RNF130: variants seen among roughly 807,000 people sequenced by gnomAD.
RNF130 encodes the protein E3 ubiquitin-protein ligase RNF130.
RNF130 carries 21 observed loss-of-function variants against 44.6 expected under a neutral mutation model. The ratio of observed to expected loss-of-function variants is 0.47; its 90% confidence interval spans 0.33 to 0.68. RNF130 has a LOEUF of 0.68. Ranked by LOEUF, RNF130 falls within the 30% of genes least tolerant of loss-of-function variation. The probability of loss-of-function intolerance (pLI) is 0.02; values close to 1 mark genes in which losing one functional copy is unlikely to be tolerated. For synonymous variants in RNF130, 214 were observed against 210.4 expected (o/e 1.02, Z -0.15); for missense variants, 479 against 560.6 (o/e 0.85, Z 1.47).
chr5:180,035,801 C>T (rs77948565), intron 2 of RNF130, among the ~76,000 whole-genome samples: 12,976 of 152,166 alleles, frequency 0.085, 1,087 homozygotes, highest in African/African-American at 0.22. Context: ...AGTGAATTTT[C>T]CATTTCCAAA....
chr5:180,068,173 C>T (rs1235585145), intron 1 of RNF130, among the ~76,000 whole-genome samples: 2 of 152,216 alleles, frequency 1.3e-5, no homozygotes, highest in African/African-American at 4.8e-5. Flanking sequence ...TCTCCCAACC[C>T]CCACTCTGGG....
At chr5:179,958,800 T>C (rs1238512021) in intron 8 of RNF130, among the ~76,000 whole-genome samples, 7 of 152,064 alleles carry the variant, frequency 4.6e-5, no homozygotes. Flanking sequence ...GATTCTCCTG[T>C]CTCAGCCTTA....
chr5:179,973,232 C>T lies in RNF130; in HGVS notation c.849-2726G>A, dbSNP rs74662248. ...TCTCAAATTCCCATGGCACATCCCTCGCTTCCACAAAGCTGGGTGGCTGTT... is the reference window on the plus strand; with the variant it reads ...TCTCAAATTCCCATGGCACATCCCTTGCTTCCACAAAGCTGGGTGGCTGTT... On this transcript the variant is annotated intron_variant, in intron 5 of 8. Transcript: ENST00000521389. Among the ~76,000 whole-genome samples the T allele has an allele frequency of 9.4e-3, 1,431 of 152,254 alleles. 11 individuals are homozygous for T. Among genetic ancestry groups the T allele is most frequent in the Non-Finnish European group, 0.013 (876 of 68,014 alleles).
At chr5:179,978,959 A>T (rs1742132218) in intron 4 of RNF130, among the ~76,000 whole-genome samples, 1 of 152,218 alleles carries the variant, frequency 6.6e-6, no homozygotes. Context: ...CTAAGCCAAG[A>T]AAACAGACTA....
chr5:179,934,447 A>C (rs748261756), intron 7 of RNF130, among the ~76,000 whole-genome samples: 2 of 150,900 alleles, frequency 1.3e-5, no homozygotes, highest in African/African-American at 2.4e-5. Context: ...GATAATGGTC[A>C]TTTGGGTCTT....
chr5:179,957,528 G>A (rs1762236953), intron 8 of RNF130, among the ~76,000 whole-genome samples: 1 of 152,196 alleles, frequency 6.6e-6, no homozygotes, highest in Non-Finnish European at 1.5e-5. Flanking sequence ...AACCAAATTT[G>A]TCTCCTTCAA....
At chr5:180,046,206 C>T (rs879763978) in intron 1 of RNF130, among the ~76,000 whole-genome samples, 4 of 152,156 alleles carry the variant, frequency 2.6e-5, no homozygotes, top group Admixed American at 6.5e-5. Flanking sequence ...CCTCACTGAC[C>T]GGGGCAGGTG....
intron 1 of RNF130, among the ~76,000 whole-genome samples, chr5:180,049,334 G>A (rs1168603482): frequency 2.6e-5 from 4 of 152,186 alleles, no homozygotes; most frequent in Non-Finnish European, 4.4e-5. Flanking sequence ...AGGCTCTGGG[G>A]ATAGAATTCA....
At position 180,013,009 on chromosome 5, in the gene RNF130, G is replaced by T; in HGVS notation, c.693+52C>A. On this transcript the variant is annotated intron_variant, in intron 3 of 8. Coordinates refer to ENST00000521389, the MANE Select transcript of RNF130 (RefSeq NM_018434.6). ...AGTAAGATGCATGGTCACGACAGATGACTGTGAACTCTGGCTGTTACGAAC... is the reference window on the plus strand; with the variant it reads ...AGTAAGATGCATGGTCACGACAGATTACTGTGAACTCTGGCTGTTACGAAC... 3 of 1,563,134 alleles carry T rather than the reference G, an allele frequency of 1.9e-6. No homozygotes were observed. In the South Asian group the frequency reaches 3.6e-5, roughly 19 times the overall value.
chr5:179,936,277 T>A (rs535663802), intron 7 of RNF130, among the ~76,000 whole-genome samples: 13 of 152,190 alleles, frequency 8.5e-5, no homozygotes, highest in Admixed American at 5.2e-4. Flanking sequence ...TTAAAAAAAA[T>A]TTTTTGTAGA....
At chr5:180,024,983 C>A (rs116740406) in intron 2 of RNF130, among the ~76,000 whole-genome samples, 1 of 152,170 alleles carries the variant, frequency 6.6e-6, no homozygotes, top group African/African-American at 2.4e-5. Flanking sequence ...CAGGTCCACA[C>A]CTGGGAGGTG....
Position 179,946,740 on chromosome 5 carries a change from G to A in RNF130, c.1150+20066C>T, listed in dbSNP as rs950675916. 9.9e-5 allele frequency among the ~76,000 whole-genome samples: 15 copies of A among 152,058 alleles called. No homozygotes were observed. In the East Asian group the frequency reaches 2.1e-3, roughly 22 times the overall value. On this transcript the variant is annotated intron_variant, in intron 7 of 7. Transcript: ENST00000522208. ...GGCTAATTTTTTTGTATTTTTAGTAGAGACGGGGCTTCACCGTGTTAGCCA... is the reference window on the plus strand; with the variant it reads ...GGCTAATTTTTTTGTATTTTTAGTAAAGACGGGGCTTCACCGTGTTAGCCA...
chr5:179,999,212 G>A (rs1482145394), intron 3 of RNF130, among the ~76,000 whole-genome samples: 3 of 151,346 alleles, frequency 2.0e-5, no homozygotes, highest in Non-Finnish European at 4.4e-5. Context: ...AGTAGAGACA[G>A]GGTTTCACCA....
At chr5:180,068,175 C>A (rs1011373251) in intron 1 of RNF130, among the ~76,000 whole-genome samples, 1 of 152,358 alleles carries the variant, frequency 6.6e-6, no homozygotes, top group East Asian at 1.9e-4. Flanking sequence ...TCCCAACCCC[C>A]ACTCTGGGGC....
chr5:179,930,956 C>T (rs1015503025), intron 7 of RNF130, among the ~76,000 whole-genome samples: 1 of 150,778 alleles, frequency 6.6e-6, no homozygotes, highest in Non-Finnish European at 1.5e-5. Flanking sequence ...GCATGAGAAC[C>T]CAGGAGGCAG....
chr5:180,066,587 T>C (rs1765112467), intron 1 of RNF130, among the ~76,000 whole-genome samples: 1 of 151,992 alleles, frequency 6.6e-6, no homozygotes, highest in Non-Finnish European at 1.5e-5. Flanking sequence ...ATAAAAAATC[T>C]ATAAAATTAG....
intron 2 of RNF130, among the ~76,000 whole-genome samples, chr5:180,029,852 CT>C (rs11397024): frequency 4.5e-4 from 65 of 144,268 alleles, no homozygotes; most frequent in Non-Finnish European, 4.7e-4. Context: ...CTATCCACCT[CT>C]TTTTTTTTTT....
rs1763629290 is a variant in RNF130 at position 180,013,102 on chromosome 5, T to G, written c.652A>C (p.Ile218Leu). Reference protein sequence around the residue: ...ISSAWLIFYFIQKIRYTNARD... With the variant: ...ISSAWLIFYFLQKIRYTNARD... ...GCATTTGTGTACCTGATCTTCTGAA[T>G]GAAGTAGAATATGAGCCATGCTGAA... is the stretch of plus-strand genomic sequence containing the variant. The change falls in exon 3 of 9, where the codon ATT (isoleucine) becomes CTT (leucine). Residue 218 changes from isoleucine (I) to leucine (L), a missense_variant. Physicochemically the swap from Ile to Leu is conservative, Grantham distance 5 (BLOSUM62 2). Coordinates refer to ENST00000521389, the MANE Select transcript of RNF130 (RefSeq NM_018434.6). 1 of 1,614,036 alleles carries G rather than the reference T, an allele frequency of 6.2e-7. No individual in the cohort carries two copies. The highest frequency in any genetic ancestry group is 8.5e-7 in the Non-Finnish European group (1 of 1,180,016).
At position 180,012,946 on chromosome 5, in the gene RNF130, G is replaced by A. The variant is rs779588841; in HGVS notation, c.693+115C>T. 4 of 1,194,812 alleles carry A rather than the reference G, an allele frequency of 3.3e-6. No individual in the cohort carries two copies. In the South Asian group the frequency reaches 6.0e-5, roughly 18 times the overall value. The allele number at this position is 1,194,812 out of a possible 1,614,324, so 74.0% of individuals were successfully genotyped here. ...GTTTCCAACATATTAAAATGACTGA[G>A]TGAGGGTAACAACATTTTTTAAAAG... On this transcript the variant is annotated intron_variant, in intron 3 of 8. Coordinates refer to ENST00000521389, the MANE Select transcript of RNF130 (RefSeq NM_018434.6).
Sources: allele counts gnomAD v4.1 joint callset (sites outside exome capture counted in the v4.1 genomes callset), GRCh38; gene constraint gnomAD v4.1.1; transcripts MANE v1.5; gene names NCBI Gene and HGNC (gene_info 2026-07-23, HGNC 2026-07-21).